Variants in ALS2CL observed in about 807,000 individuals in gnomAD.
ALS2CL encodes ALS2 C-terminal-like protein.
A neutral mutation model predicts 127.9 loss-of-function variants in ALS2CL; 112 were observed. The observed-to-expected ratio is 0.88, with a 90% confidence interval of 0.75 to 1.02. The LOEUF (loss-of-function observed/expected upper bound fraction) is 1.02, where lower values mean the gene tolerates loss of function less well. Among genes scored for constraint, ALS2CL ranks in the 50% least tolerant of loss-of-function variants. ALS2CL has a pLI of 0.00. For synonymous variants in ALS2CL, 519 were observed against 527.6 expected (o/e 0.98, Z 0.22); for missense variants, 1,174 against 1,236.7 (o/e 0.95, Z 0.76).
At chr3:46,675,328 G>T in intron 20 of ALS2CL, 1 of 392,682 alleles carries the variant, frequency 2.5e-6, no homozygotes. Flanking sequence ...GGGAGAGGAG[G>T]GTGCCTCGGG....
At chr3:46,674,821 T>G in intron 20 of ALS2CL, 82 bp from the exon 21 acceptor site, 1 of 1,348,764 alleles carries the variant, frequency 7.4e-7, no homozygotes, top group Non-Finnish European at 9.9e-7. Flanking sequence ...AAAGAGCTCC[T>G]AGTTCCACAA....
At chr3:46,689,803 T>G (rs1273686036) in intron 1 of ALS2CL, among the ~76,000 whole-genome samples, 1 of 152,182 alleles carries the variant, frequency 6.6e-6, no homozygotes, top group African/African-American at 2.4e-5. Context: ...GTGCCCAGGA[T>G]AGTATTAGTA....
chr3:46,685,572 G>T lies in ALS2CL; in HGVS notation c.739C>A (p.Arg247=), dbSNP rs140610095. The T allele has an allele frequency of 6.2e-7, 1 of 1,614,008 alleles. No individual in the cohort carries two copies. The highest frequency in any genetic ancestry group is 8.5e-7 in the Non-Finnish European group (1 of 1,179,968). The change falls in exon 7 of 26, where the codon CGG becomes AGG. Residue 247 remains arginine, a synonymous_variant. Coordinates refer to ENST00000318962, the MANE Select transcript of ALS2CL (RefSeq NM_147129.5). Reference sequence around the variant, plus strand: ...TCAAAGAGCAGCACACGCTCAGCCCGCAACGGTGCGACCGTCACGGGTACG... The same window carrying T: ...TCAAAGAGCAGCACACGCTCAGCCCTCAACGGTGCGACCGTCACGGGTACG... ...QDVPVTVAPL[R]AERVLLFDDA... is the part of the protein sequence containing the mutation.
rs766679789 is a variant in ALS2CL at position 46,688,217 on chromosome 3, C to T, written c.183G>A (p.Trp61Ter). ...AGTGCAGGCTTTCCTCCGTCACCTC[C>T]CAGAGTTGCTGGGAGCTCTTGTGCA... is the stretch of plus-strand genomic sequence containing the variant. ...QQLHKSSQQL[W>*]EVTEESLHSL... The change falls in exon 3 of 26, where the codon TGG becomes TGA. Residue 61 changes from tryptophan to a stop codon, truncating the protein, a stop_gained. Transcript: ENST00000318962. LOFTEE classifies it high-confidence loss of function. 2 of 1,612,976 alleles carry T rather than the reference C, an allele frequency of 1.2e-6. No individual in the cohort carries two copies. The highest frequency in any genetic ancestry group is 1.7e-6 in the Non-Finnish European group (2 of 1,180,022).
At position 46,686,573 on chromosome 3, in the gene ALS2CL, G is replaced by T; in HGVS notation, c.535-134C>A. ...TTCTCTCCCTGACAGCTCCTCTTCT[G>T]CTGGTGGGGCAGGGGGTGGAATATG... On this transcript the variant is annotated intron_variant, in intron 5 of 25. Transcript: ENST00000318962. The surrounding 1 kb of genome is among the most constrained non-coding windows in gnomAD (Gnocchi z 4.3). The T allele has an allele frequency of 7.9e-7, 1 of 1,259,100 alleles. No homozygotes were observed. The highest frequency in any genetic ancestry group is 1.1e-6 in the Non-Finnish European group (1 of 923,978). The allele number at this position is 1,259,100 out of a possible 1,614,324, so 78.0% of individuals were successfully genotyped here.
At chr3:46,679,505 A>C in intron 14 of ALS2CL, 1 of 366,600 alleles carries the variant, frequency 2.7e-6, no homozygotes, top group Non-Finnish European at 4.9e-6. Flanking sequence ...GATTTCCCCA[A>C]ATGACACCCT....
chr3:46,689,525 C>T (rs762392833), intron 1 of ALS2CL, 60 bp from the exon 2 acceptor site: 25 of 1,190,450 alleles, frequency 2.1e-5, no homozygotes, highest in Non-Finnish European at 2.9e-5. Context: ...AGTGCCCATC[C>T]TCTCAGGCAG....
At chr3:46,687,443 G>A (rs564939842) in intron 4 of ALS2CL, among the ~76,000 whole-genome samples, 176 bp downstream of exon 4, 1 of 152,326 alleles carries the variant, frequency 6.6e-6, no homozygotes, top group African/African-American at 2.4e-5. Flanking sequence ...TGGCCTCACT[G>A]GGCCTTCCCT....
Position 46,681,544 on chromosome 3 carries a change from C to A in ALS2CL, c.1230G>T (p.Lys410Asn). Residue 410 changes from lysine (K) to asparagine (N), a missense_variant, in exon 12 of 26, where the codon AAG (lysine) becomes AAT (asparagine). Transcript: ENST00000318962. This position sits in a 1 kb window ranked among gnomAD's most constrained non-coding sequence, Gnocchi z 4.9. Reference sequence around the variant, plus strand: ...ACATGCTGCCTTCTCGCCAGTGACACTTGTAACAGTCGAACTTGTCCTCAG... The same window carrying A: ...ACATGCTGCCTTCTCGCCAGTGACAATTGTAACAGTCGAACTTGTCCTCAG... ...QASEDKFDCY[K>N]CHWREGSMCG... 1 of 1,614,176 alleles carries A rather than the reference C, an allele frequency of 6.2e-7. No homozygotes were observed.
chr3:46,687,229 A>G, intron 4 of ALS2CL, 81 bp from the exon 5 acceptor site: 2 of 1,419,150 alleles, frequency 1.4e-6, no homozygotes, highest in Non-Finnish European at 1.9e-6. Flanking sequence ...TGCCCCAGCT[A>G]ATCCCCTCAG....
rs374391416 is a variant in ALS2CL at position 46,674,551 on chromosome 3, G to C, written c.2429+15C>G. 2.7e-5 allele frequency: 43 copies of C among 1,606,430 alleles called. No individual in the cohort carries two copies. The highest frequency in any genetic ancestry group is 3.5e-5 in the Non-Finnish European group (41 of 1,176,084). ...GAGTCCTGGCTAACACGGCACGGGG[G>C]AAGGGAAGGCTTACTTCTGCACATC... On this transcript the variant is annotated intron_variant, in intron 21 of 25. Transcript: ENST00000318962.
chr3:46,683,724 C>T, intron 9 of ALS2CL, 58 bp downstream of exon 9: 7 of 1,589,946 alleles, frequency 4.4e-6, no homozygotes, highest in Non-Finnish European at 6.0e-6. Context: ...TACTTCTGCC[C>T]TCTTCCTACC....
At chr3:46,683,065 G>A in intron 10 of ALS2CL, 65 bp downstream of exon 10, 1 of 1,440,030 alleles carries the variant, frequency 6.9e-7, no homozygotes, top group Non-Finnish European at 9.2e-7. Context: ...AGGCTTGTGT[G>A]CTGCTCTCTG....
At chr3:46,684,181 C>T (rs965881834) in intron 7 of ALS2CL, 134 bp from the exon 8 acceptor site, 13 of 1,020,960 alleles carry the variant, frequency 1.3e-5, no homozygotes, top group Non-Finnish European at 1.9e-5. Flanking sequence ...AGGACTGAGT[C>T]CCTCTCCCCT....
Position 46,681,141 on chromosome 3 carries a change from G to T in ALS2CL, c.1436+105C>A. 6.5e-7 allele frequency: 1 copy of T among 1,541,754 alleles called. No individual in the cohort carries two copies. Reference sequence around the variant, plus strand: ...TGGAGGGGAAGTGAGGGGCTTAAGAGAGACACAGTGGGGGACAAACAGGAG... The same window carrying T: ...TGGAGGGGAAGTGAGGGGCTTAAGATAGACACAGTGGGGGACAAACAGGAG... On this transcript the variant is annotated intron_variant, in intron 13 of 25. Coordinates refer to ENST00000318962, the MANE Select transcript of ALS2CL (RefSeq NM_147129.5). The surrounding 1 kb of genome is among the most constrained non-coding windows in gnomAD (Gnocchi z 4.9).
In ALS2CL at chr3:46,678,353, C is replaced by A. The variant is rs1299833482; in HGVS notation, c.1663G>T (p.Gly555Cys). The change falls in exon 16 of 26, where the codon GGC (glycine) becomes TGC (cysteine). Residue 555 changes from glycine (G) to cysteine (C), a missense_variant. By Grantham distance (159) the Gly-to-Cys change is radical. Coordinates refer to ENST00000318962, the MANE Select transcript of ALS2CL (RefSeq NM_147129.5). Reference protein sequence around the residue: ...VTFPNGFTLEGSFGSGAGRGL... With the variant: ...VTFPNGFTLECSFGSGAGRGL... The stretch of plus-strand genomic sequence containing the variant: ...CTCCCTGCCCCACTGCCGAACGAGC[C>A]CTCCAGGGTGAAGCCATTGGGGAAG... 1 of 1,613,086 alleles carries A rather than the reference C, an allele frequency of 6.2e-7. No individual in the cohort carries two copies. The highest frequency in any genetic ancestry group is 1.3e-5 in the African/African-American group (1 of 74,904).
chr3:46,684,150 G>A, intron 7 of ALS2CL, 103 bp from the exon 8 acceptor site: 1 of 1,337,810 alleles, frequency 7.5e-7, no homozygotes, highest in Non-Finnish European at 1.0e-6. Context: ...GGCCACCAAG[G>A]CTATTCTGCC....
At position 46,678,384 on chromosome 3, in the gene ALS2CL, C is replaced by CCAGGG. The variant is rs767981509; in HGVS notation, c.1631_1632insCCCTG (p.Lys544AsnfsTer137). ...GGGTGAAGCCATTGGGGAAGGTGACCTTGCCCTGGGAGCCAGGAGAAGGAG... is the reference window on the plus strand; with the variant it reads ...GGGTGAAGCCATTGGGGAAGGTGACCCAGGGTTGCCCTGGGAGCCAGGAGAAGGAG... On this transcript the variant is annotated frameshift_variant, in exon 16 of 26. Coordinates refer to ENST00000318962, the MANE Select transcript of ALS2CL (RefSeq NM_147129.5). LOFTEE classifies it high-confidence loss of function. 9 of 1,611,752 alleles carry CCAGGG rather than the reference C, an allele frequency of 5.6e-6. No individual in the cohort carries two copies. The highest frequency in any genetic ancestry group is 7.6e-6 in the Non-Finnish European group (9 of 1,178,664).
Position 46,682,088 on chromosome 3 carries a change from G to C in ALS2CL, c.1116C>G (p.Thr372=). ...WCRGRPHGKG[T]LKWPDGRNHV... ...GATTCCGCCCATCCGGCCATTTCAG[G>C]GTTCCCCTGGAACACAGTGGAGGTT... The change falls in exon 11 of 26, where the codon ACC becomes ACG. Residue 372 remains threonine (T), a synonymous_variant. Coordinates refer to ENST00000318962, the MANE Select transcript of ALS2CL (RefSeq NM_147129.5). The C allele has an allele frequency of 6.2e-7, 1 of 1,613,852 alleles. No individual in the cohort carries two copies. The highest frequency in any genetic ancestry group is 8.5e-7 in the Non-Finnish European group (1 of 1,179,952).
Sources: allele counts gnomAD v4.1 joint callset (sites outside exome capture counted in the v4.1 genomes callset), GRCh38; gene constraint gnomAD v4.1.1; non-coding constraint Gnocchi (gnomAD v3.1); transcripts MANE v1.5; gene names NCBI Gene and HGNC (gene_info 2026-07-23, HGNC 2026-07-21).